Variants in AKAP5 observed in about 807,000 individuals in gnomAD.
The protein encoded by AKAP5 is A-kinase anchoring protein 5.
A neutral mutation model predicts 13.8 loss-of-function variants in AKAP5; 5 were observed. The ratio of observed to expected loss-of-function variants is 0.36; its 90% CI spans 0.19 to 0.76. The LOEUF is 0.76. AKAP5 is among the 30% of genes least tolerant of loss of function. AKAP5 has a pLI of 0.51. For missense variants in AKAP5, 406 were observed against 484.4 expected (o/e 0.84, Z 1.52); for synonymous variants, 148 against 167.2 (o/e 0.89, Z 0.89).
Position 64,469,106 on chromosome 14 carries a change from GA to G in AKAP5, c.717del (p.Lys239AsnfsTer47). On this transcript the variant is annotated frameshift_variant, in exon 2 of 2. Coordinates refer to ENST00000394718, the MANE Select transcript of AKAP5 (RefSeq NM_004857.3). LOFTEE classifies it high-confidence loss of function. The part of the protein sequence containing the change: ...LILEEIETIK[E>X]KQDVQPQQAS... ...CCTTGAAGAAATTGAAACGATCAAG[GA>G]AAAACAAGATGTTCAACCCCAGCAA... 6.2e-7 allele frequency: 1 copy of G among 1,614,004 alleles called. No homozygotes were observed. The highest frequency in any genetic ancestry group is 8.5e-7 in the Non-Finnish European group (1 of 1,180,016).
rs72724404 is a variant in AKAP5 at position 64,466,878 on chromosome 14, T to C, written c.-263-1254T>C. 7.5e-3 allele frequency among the ~76,000 whole-genome samples: 1,142 copies of C among 152,350 alleles called. 7 individuals are homozygous for C. Among genetic ancestry groups the C allele is most frequent in the Admixed American group, 0.013 (204 of 15,306 alleles). Reference sequence around the variant, plus strand: ...CCATTTCCATTCTTTGGTGCCATCATACCATTCTAAGGATTAAATTTTCAA... The same window carrying C: ...CCATTTCCATTCTTTGGTGCCATCACACCATTCTAAGGATTAAATTTTCAA... On this transcript the variant is annotated intron_variant, in intron 1 of 1. Transcript: ENST00000394718.
In AKAP5 at chr14:64,468,813, A is replaced by C. The variant is rs937849865; in HGVS notation, c.419A>C (p.Asn140Thr). 5.6e-6 allele frequency: 9 copies of C among 1,614,108 alleles called. No individual in the cohort carries two copies. The African/African-American group carries it at 1.1e-4, about 19-fold the overall frequency. Residue 140 changes from asparagine (N) to threonine (T), a missense_variant, in exon 2 of 2, where the codon AAT becomes ACT. Physicochemically the swap from Asn to Thr is moderately conservative, Grantham distance 65. Transcript: ENST00000394718. ...TTCCCAAGAGGGCCAAAAAGGAGTA[A>C]TCATTCCAAAATTATAGAAGACTCA... ...IKFPRGPKRS[N>T]HSKIIEDSDC...
At chr14:64,466,432 T>C (rs1339079007) in intron 1 of AKAP5, among the ~76,000 whole-genome samples, 1 of 152,206 alleles carries the variant, frequency 6.6e-6, no homozygotes, top group East Asian at 1.9e-4. Context: ...AACATCTCAT[T>C]TCAATATTTC....
rs888092456 is a variant in AKAP5, at chr14:64,472,174, A to C, written c.*2496A>C. 4 of 167,098 alleles carry C rather than the reference A, an allele frequency of 2.4e-5. No individual in the cohort carries two copies. The highest frequency in any genetic ancestry group is 9.6e-5 in the African/African-American group (4 of 41,452). 10.4% of individuals were successfully genotyped at this position (167,098 alleles called of 1,614,324 possible). On this transcript the variant is annotated 3_prime_UTR_variant, in exon 2 of 2. Transcript: ENST00000394718. ...CTCTGAAAACACTCTTTAACTCACT[A>C]TATGTGGTGCTAATGGACTTGGACA...
rs138067674 is a variant in AKAP5, at chr14:64,469,265, G to A, written c.871G>A (p.Gly291Arg). 552 of 1,613,320 alleles carry A rather than the reference G, an allele frequency of 3.4e-4. 7 individuals are homozygous for A. The East Asian group carries it at 0.012, about 34-fold the overall frequency. ...CAGTACCCTAGAAAGTGCACCAAAT[G>A]GAAAAGACTATGAAAGTACAGAGAT... ...SNSTLESAPN[G>R]KDYESTEIVA... The change falls in exon 2 of 2, where the codon GGA becomes AGA. Residue 291 changes from glycine (G) to arginine (R), a missense_variant. Transcript: ENST00000394718.
rs2078631051 is a variant in AKAP5 at position 64,468,220 on chromosome 14, G to C, written c.-175G>C. The C allele has an allele frequency of 2.2e-6, 1 of 454,538 alleles. No homozygotes were observed. Among genetic ancestry groups the C allele is most frequent in the South Asian group, 5.6e-5 (1 of 17,874 alleles). The allele number at this position is 454,538 out of a possible 1,614,324, so 28.2% of individuals were successfully genotyped here. A position where few individuals can be genotyped will look rare whatever the true frequency, so the allele number is the denominator to read the frequency against. ...GAAATTACAAGCCATAGAGAAACTG[G>C]GCATTTCTATACTAGAGAAACCACC... On this transcript the variant is annotated 5_prime_UTR_variant, in exon 2 of 2. Coordinates refer to ENST00000394718, the MANE Select transcript of AKAP5 (RefSeq NM_004857.3).
intron 1 of AKAP5, chr14:64,467,823 G>A (rs912656608): frequency 4.0e-4 from 61 of 152,142 alleles, no homozygotes; most frequent in African/African-American, 1.3e-3. Context: ...TTTGGTTCTT[G>A]TTGTTTGCTT....
At position 64,468,884 on chromosome 14, in the gene AKAP5, C is replaced by G; in HGVS notation, c.490C>G (p.Gln164Glu). 1 of 1,614,142 alleles carries G rather than the reference C, an allele frequency of 6.2e-7. No homozygotes were observed. The highest frequency in any genetic ancestry group is 8.5e-7 in the Non-Finnish European group (1 of 1,180,036). The change falls in exon 2 of 2, where the codon CAA becomes GAA. Residue 164 changes from glutamine to glutamate, a missense_variant. Physicochemically the swap from Gln to Glu is conservative, Grantham distance 29 (BLOSUM62 2). Transcript: ENST00000394718. ...VQEEAEILDI[Q>E]TQTPLNDQAT... ...GGAAGAAGCTGAAATTTTGGATATA[C>G]AAACACAGACCCCATTGAATGATCA... is the stretch of plus-strand genomic sequence containing the variant.
chr14:64,468,627 C>G lies in AKAP5; in HGVS notation c.233C>G (p.Ala78Gly), dbSNP rs1235585934. 1 of 1,613,882 alleles carries G rather than the reference C, an allele frequency of 6.2e-7. No homozygotes were observed. Among genetic ancestry groups the G allele is most frequent in the Admixed American group, 1.7e-5 (1 of 60,020 alleles). ...ASDQPEPTRG[A>G]WASLKRLVTR... ...GATCAGCCAGAGCCCACACGGGGGG[C>G]CTGGGCCTCACTCAAACGTCTTGTA... The change falls in exon 2 of 2, where the codon GCC becomes GGC. Residue 78 changes from alanine (A) to glycine (G), a missense_variant. Coordinates refer to ENST00000394718, the MANE Select transcript of AKAP5 (RefSeq NM_004857.3).
In AKAP5 at chr14:64,469,896, C is replaced by T; in HGVS notation, c.*218C>T. On this transcript the variant is annotated 3_prime_UTR_variant, in exon 2 of 2. Coordinates refer to ENST00000394718, the MANE Select transcript of AKAP5 (RefSeq NM_004857.3). ...GATTGGAGGAAGTCAGCACAGATTG[C>T]AGTGTAAAATGACATAACATACAGG... 2.3e-6 allele frequency: 1 copy of T among 432,470 alleles called. No homozygotes were observed. The highest frequency in any genetic ancestry group is 4.2e-6 in the Non-Finnish European group (1 of 238,382). 26.8% of individuals were successfully genotyped at this position (432,470 alleles called of 1,614,324 possible). A position where few individuals can be genotyped will look rare whatever the true frequency, so the allele number is the denominator to read the frequency against.
rs539271621 is a variant in AKAP5 at position 64,472,759 on chromosome 14, T to G, written c.*3081T>G. The G allele has an allele frequency of 6.0e-6, 1 of 166,924 alleles. No individual in the cohort carries two copies. Among genetic ancestry groups the G allele is most frequent in the Admixed American group, 6.5e-5 (1 of 15,298 alleles). 10.3% of individuals were successfully genotyped at this position (166,924 alleles called of 1,614,324 possible). A position where few individuals can be genotyped will look rare whatever the true frequency, so the allele number is the denominator to read the frequency against. On this transcript the variant is annotated 3_prime_UTR_variant, in exon 2 of 2. Transcript: ENST00000394718. Reference sequence around the variant, plus strand: ...GTTATAGAAATATGCAGAAATCAGATGGCTTCAGAGTCATAAAATATTTTT... The same window carrying G: ...GTTATAGAAATATGCAGAAATCAGAGGGCTTCAGAGTCATAAAATATTTTT...
At chr14:64,466,703 G>C (rs1303155837) in intron 1 of AKAP5, among the ~76,000 whole-genome samples, 1 of 152,172 alleles carries the variant, frequency 6.6e-6, no homozygotes, top group African/African-American at 2.4e-5. Context: ...CAGGGTTCCA[G>C]TTCCTTCTAC....
At chr14:64,466,654 A>C (rs1221086350) in intron 1 of AKAP5, among the ~76,000 whole-genome samples, 3 of 152,216 alleles carry the variant, frequency 2.0e-5, no homozygotes, top group Non-Finnish European at 4.4e-5. Flanking sequence ...TGAAACACCC[A>C]ACCTAAGATA....
In AKAP5 at chr14:64,473,412, G is replaced by C. The variant is rs532716891; in HGVS notation, c.*3734G>C. On this transcript the variant is annotated 3_prime_UTR_variant, in exon 2 of 2. Transcript: ENST00000394718. ...TGGTCTACTACTCAGCGGAGTCTTA[G>C]AATCTCTTTTATTTACTTCTGAGAG... 4.6e-4 allele frequency: 77 copies of C among 167,082 alleles called. No individual in the cohort carries two copies. The highest frequency in any genetic ancestry group is 1.9e-3 in the African/African-American group (77 of 41,550). The allele number at this position is 167,082 out of a possible 1,614,324, so 10.3% of individuals were successfully genotyped here.
rs929244294 is a variant in AKAP5 at position 64,470,662 on chromosome 14, G to C, written c.*984G>C. 1 of 165,578 alleles carries C rather than the reference G, an allele frequency of 6.0e-6. No individual in the cohort carries two copies. Among genetic ancestry groups the C allele is most frequent in the Admixed American group, 6.6e-5 (1 of 15,158 alleles). 10.3% of individuals were successfully genotyped at this position (165,578 alleles called of 1,614,324 possible). On this transcript the variant is annotated 3_prime_UTR_variant, in exon 2 of 2. Transcript: ENST00000394718. ...AGGCAAATTGTTACTAAGTGCAAAA[G>C]TGTAGAAACAGGGAGAGTGGGTTTT...
intron 1 of AKAP5, 106 bp from the exon 2 acceptor site, chr14:64,468,026 T>C (rs1489701377): frequency 1.3e-5 from 2 of 156,880 alleles, no homozygotes; most frequent in Non-Finnish European, 2.8e-5. Context: ...TAAGTTATTA[T>C]ATGGAAAATA....
rs978977660 is a variant in AKAP5 at position 64,473,947 on chromosome 14, A to T, written c.*4269A>T. 9.0e-5 allele frequency: 15 copies of T among 166,808 alleles called. No individual in the cohort carries two copies. The highest frequency in any genetic ancestry group is 1.5e-4 in the Non-Finnish European group (10 of 68,130). 10.3% of individuals were successfully genotyped at this position (166,808 alleles called of 1,614,324 possible). ...GTAATGCTCCTTAGTTACAAAAATTAGAAGGAAGCTACATAAAATTCAGGT... is the reference window on the plus strand; with the variant it reads ...GTAATGCTCCTTAGTTACAAAAATTTGAAGGAAGCTACATAAAATTCAGGT... On this transcript the variant is annotated 3_prime_UTR_variant, in exon 2 of 2. Transcript: ENST00000394718.
In AKAP5 at chr14:64,474,104, T is replaced by TTTC. The variant is rs2078699810; in HGVS notation, c.*4427_*4428insTCT. The TTTC allele has an allele frequency of 6.0e-6, 1 of 166,892 alleles. No individual in the cohort carries two copies. The highest frequency in any genetic ancestry group is 1.5e-5 in the Non-Finnish European group (1 of 68,072). The allele number at this position is 166,892 out of a possible 1,614,324, so 10.3% of individuals were successfully genotyped here. A position where few individuals can be genotyped will look rare whatever the true frequency, so the allele number is the denominator to read the frequency against. On this transcript the variant is annotated 3_prime_UTR_variant, in exon 2 of 2. Coordinates refer to ENST00000394718, the MANE Select transcript of AKAP5 (RefSeq NM_004857.3). The stretch of plus-strand genomic sequence containing the variant: ...GGGAGCAGTGACAACAGAAACCGGG[T>TTTC]TGGGTTAAGGCAAAGAGCCATGGAT...
rs1266291174 is a variant in AKAP5 at position 64,470,689 on chromosome 14, C to T, written c.*1011C>T. ...GTAGAAACAGGGAGAGTGGGTTTTT[C>T]CCCCGCTTTTCTTTCTGCCTCAACA... On this transcript the variant is annotated 3_prime_UTR_variant, in exon 2 of 2. Transcript: ENST00000394718. 6.0e-6 allele frequency: 1 copy of T among 166,174 alleles called. No homozygotes were observed. Among genetic ancestry groups the T allele is most frequent in the Non-Finnish European group, 1.5e-5 (1 of 68,002 alleles). The allele number at this position is 166,174 out of a possible 1,614,324, so 10.3% of individuals were successfully genotyped here.
Sources: gnomAD v4.1 joint callset for allele counts (sites outside exome capture counted in the v4.1 genomes callset) on GRCh38, gnomAD v4.1.1 for gene constraint, MANE v1.5 for transcripts, NCBI Gene and HGNC (gene_info 2026-07-23, HGNC 2026-07-21) for gene names.